SPAG17: variants seen among roughly 807,000 people sequenced by gnomAD.
The protein encoded by SPAG17 is sperm-associated antigen 17.
SPAG17 carries 169 observed loss-of-function variants against 273.6 expected under a neutral mutation model. The observed-to-expected ratio is 0.62, with a 90% CI of 0.55 to 0.70. SPAG17 has a LOEUF of 0.70. Ranked by LOEUF, SPAG17 falls within the 30% of genes least tolerant of loss-of-function variation. The pLI is 0.00. For missense variants in SPAG17, 2,557 were observed against 2,627.8 expected, an observed-to-expected ratio of 0.97 and a Z score of 0.59; for synonymous variants, 825 against 873.2, an observed-to-expected ratio of 0.94 and a Z score of 0.97.
chr1:117,993,428 T>A (rs1358067513), intron 35 of SPAG17, among the ~76,000 whole-genome samples: 1 of 152,148 alleles, frequency 6.6e-6, no homozygotes, highest in Non-Finnish European at 1.5e-5. Context: ...AAAATTTGGA[T>A]ATAGCCTTAG....
intron 18 of SPAG17, among the ~76,000 whole-genome samples, chr1:118,066,395 A>G (rs542481785): frequency 1.3e-5 from 2 of 152,324 alleles, no homozygotes; most frequent in East Asian, 3.9e-4. Flanking sequence ...AGTTAAAAAA[A>G]CCCAACATGC....
chr1:118,126,043 G>GC (rs374451307), intron 3 of SPAG17, among the ~76,000 whole-genome samples: 6 of 136,750 alleles, frequency 4.4e-5, no homozygotes, highest in Non-Finnish European at 7.7e-5. Context: ...GTTATTTTCT[G>GC]TTTTTTTTTT....
intron 24 of SPAG17, among the ~76,000 whole-genome samples, chr1:118,033,817 C>T (rs548619751): frequency 3.3e-5 from 5 of 152,322 alleles, no homozygotes; most frequent in African/African-American, 1.2e-4. Context: ...TTCCTTGTTT[C>T]TGTGCCTGGA....
At chr1:118,089,355 G>GTGTGT (rs10527094) in intron 10 of SPAG17, among the ~76,000 whole-genome samples, 1 of 137,842 alleles carries the variant, frequency 7.3e-6, no homozygotes, top group East Asian at 2.4e-4. Flanking sequence ...GTGTGTGTGT[G>GTGTGT]GTGGCAGGTA....
At chr1:118,126,861 T>G (rs1418914489) in intron 3 of SPAG17, among the ~76,000 whole-genome samples, 12 of 151,738 alleles carry the variant, frequency 7.9e-5, no homozygotes, top group Admixed American at 7.9e-4. Context: ...AGTTGGTTTT[T>G]GTGTATGGTG....
intron 32 of SPAG17, among the ~76,000 whole-genome samples, chr1:118,004,441 A>G (rs1252998805): frequency 6.6e-6 from 1 of 152,192 alleles, no homozygotes; most frequent in Non-Finnish European, 1.5e-5. Context: ...TAGAGGCAGT[A>G]GGCCTTGCTG....
chr1:117,957,158 T>C, intron 48 of SPAG17: 1 of 1,612,712 alleles, frequency 6.2e-7, no homozygotes, highest in Non-Finnish European at 8.5e-7. Flanking sequence ...TGGGCTCTGA[T>C]GTTGAACTTA....
intron 28 of SPAG17, among the ~76,000 whole-genome samples, chr1:118,020,354 A>T (rs1660380422): frequency 6.6e-6 from 1 of 152,250 alleles, no homozygotes; most frequent in East Asian, 1.9e-4. Context: ...GAATTGCTTG[A>T]ATGTGGGAAG....
chr1:118,114,970 A>G (rs1157500487), intron 4 of SPAG17, among the ~76,000 whole-genome samples: 2 of 151,924 alleles, frequency 1.3e-5, no homozygotes, highest in African/African-American at 2.4e-5. Flanking sequence ...GTTCCCCCCA[A>G]CTGTCCTTTT....
intron 1 of SPAG17, among the ~76,000 whole-genome samples, chr1:118,171,483 T>G (rs144798718): frequency 1.1e-4 from 17 of 152,274 alleles, no homozygotes; most frequent in Non-Finnish European, 2.2e-4. Context: ...TCTGTTCTAT[T>G]TAGATGCTCT....
intron 3 of SPAG17, among the ~76,000 whole-genome samples, chr1:118,146,082 G>C (rs537946822): frequency 1.1e-4 from 16 of 152,278 alleles, no homozygotes; most frequent in Admixed American, 8.5e-4. Context: ...GGTTGGTTCT[G>C]ATTTCAGATA....
chr1:117,968,963 C>T (rs1557846259), intron 46 of SPAG17, among the ~76,000 whole-genome samples: 1 of 152,132 alleles, frequency 6.6e-6, no homozygotes, highest in Non-Finnish European at 1.5e-5. Flanking sequence ...TTTTTAACAT[C>T]CTCTGCGCCC....
At chr1:118,163,095 G>A (rs1238880353) in intron 1 of SPAG17, among the ~76,000 whole-genome samples, 1 of 152,076 alleles carries the variant, frequency 6.6e-6, no homozygotes, top group East Asian at 1.9e-4. Flanking sequence ...AATTTTACAG[G>A]TTTATTTCAA....
chr1:117,988,311 A>C, intron 38 of SPAG17, 107 bp from the exon 39 acceptor site: 1 of 718,326 alleles, frequency 1.4e-6, no homozygotes, highest in South Asian at 2.9e-5. Flanking sequence ...CTATATAGTT[A>C]ATCTATCAAG....
At chr1:118,152,648 T>C (rs1659449739) in intron 1 of SPAG17, among the ~76,000 whole-genome samples, 1 of 152,016 alleles carries the variant, frequency 6.6e-6, no homozygotes. Flanking sequence ...TTGCAAAGTG[T>C]GTGTGTGCAT....
intron 15 of SPAG17, among the ~76,000 whole-genome samples, chr1:118,077,177 G>T (rs1219124880): frequency 6.6e-6 from 1 of 152,128 alleles, no homozygotes; most frequent in Non-Finnish European, 1.5e-5. Context: ...TTTGAAGTAA[G>T]TATGATTCAG....
intron 18 of SPAG17, among the ~76,000 whole-genome samples, chr1:118,060,155 G>A (rs1178130255): frequency 2.6e-5 from 4 of 151,778 alleles, no homozygotes; most frequent in Non-Finnish European, 4.4e-5. Context: ...TTTTTGCAGT[G>A]TTATTGTTTC....
At chr1:118,146,134 A>T (rs1011956973) in intron 3 of SPAG17, among the ~76,000 whole-genome samples, 1 of 152,150 alleles carries the variant, frequency 6.6e-6, no homozygotes, top group Non-Finnish European at 1.5e-5. Context: ...GCTTTTTCTG[A>T]TTTACCAAAG....
intron 47 of SPAG17, chr1:117,964,144 T>C (rs564847361): frequency 8.4e-6 from 4 of 474,554 alleles, no homozygotes; most frequent in Non-Finnish European, 1.5e-5. Context: ...CTGTTCTCCC[T>C]AGTGTACATT....
Sources: gnomAD v4.1 joint callset for allele counts (sites outside exome capture counted in the v4.1 genomes callset) on GRCh38, gnomAD v4.1.1 for gene constraint, MANE v1.5 for transcripts, NCBI Gene and HGNC (gene_info 2026-07-23, HGNC 2026-07-21) for gene names.